The following CCDC138 variants were observed in gnomAD, a reference collection of about 807,000 sequenced individuals.
CCDC138 encodes coiled-coil domain containing 138, also known as coiled-coil domain-containing protein 138.
A neutral mutation model predicts 82.3 loss-of-function variants in CCDC138; 66 were observed. That is an observed-to-expected ratio of 0.80 (90% CI 0.66 to 0.98). CCDC138 has a LOEUF of 0.98. Ranked by LOEUF, CCDC138 falls within the 50% of genes least tolerant of loss-of-function variation. The pLI is 0.00. For missense variants in CCDC138, 816 were observed against 758.9 expected (o/e 1.08, Z -0.88); for synonymous variants, 297 against 265.4 (o/e 1.12, Z -1.16).
chr2:108,791,121 T>C (rs1321343070), intron 3 of CCDC138, among the ~76,000 whole-genome samples: 1 of 152,036 alleles, frequency 6.6e-6, no homozygotes, highest in Admixed American at 6.5e-5. Flanking sequence ...AGATATATTA[T>C]ATTAACTAAT....
chr2:108,873,509 T>C lies in CCDC138; in HGVS notation c.1752T>C (p.Ser584=), dbSNP rs1249616094. The change falls in exon 14 of 15, where the codon TCT becomes TCC. Residue 584 remains serine (S), a synonymous_variant. Transcript: ENST00000295124. ...ACTCTTTATTTTTTCGTACTTGCTC[T>C]GTGCTGCTTCGAGCCCCTAAGCTTG... The part of the protein sequence containing the change: ...CSNSLFFRTC[S]VLLRAPKLDL... The C allele has an allele frequency of 6.2e-7, 1 of 1,611,616 alleles. No individual in the cohort carries two copies. The highest frequency in any genetic ancestry group is 1.3e-5 in the African/African-American group (1 of 74,990).
At chr2:108,812,967 C>T (rs777353480) in intron 9 of CCDC138, 40 bp downstream of exon 9, 35 of 1,573,006 alleles carry the variant, frequency 2.2e-5, no homozygotes, top group South Asian at 9.0e-5. Flanking sequence ...GAAAATTTCT[C>T]GGCTGGGTAC....
chr2:108,813,313 G>A (rs1037671941), intron 9 of CCDC138, among the ~76,000 whole-genome samples: 7 of 147,928 alleles, frequency 4.7e-5, no homozygotes, highest in African/African-American at 7.4e-5. Flanking sequence ...TTTCTCTTGT[G>A]CTTTAATCTT....
At chr2:108,830,857 G>A (rs1374706260) in intron 10 of CCDC138, among the ~76,000 whole-genome samples, 1 of 151,218 alleles carries the variant, frequency 6.6e-6, no homozygotes, top group Non-Finnish European at 1.5e-5. Context: ...AAGCCAGAAA[G>A]TGTTCTTCAT....
At chr2:108,791,118 T>C (rs968423475) in intron 3 of CCDC138, among the ~76,000 whole-genome samples, 2 of 151,252 alleles carry the variant, frequency 1.3e-5, no homozygotes, top group African/African-American at 4.9e-5. Context: ...TTTAGATATA[T>C]TATATTAACT....
chr2:108,855,375 C>T lies in CCDC138; in HGVS notation c.1517-1419C>T, dbSNP rs186698809. Among the ~76,000 whole-genome samples the T allele has an allele frequency of 1.9e-3, 287 of 151,892 alleles. 7 individuals carry two copies. Among genetic ancestry groups the T allele is most frequent in the Admixed American group, 0.017 (255 of 15,250 alleles). On this transcript the variant is annotated intron_variant, in intron 12 of 14. Coordinates refer to ENST00000295124, the MANE Select transcript of CCDC138 (RefSeq NM_144978.3). ...CTGTTTAATCTTGTCAAATTATATA[C>T]TAAGAATAATGTGTGTCAAATACAG...
chr2:108,859,408 T>A (rs531903594), intron 13 of CCDC138, among the ~76,000 whole-genome samples: 74 of 152,322 alleles, frequency 4.9e-4, no homozygotes, highest in Non-Finnish European at 8.5e-4. Flanking sequence ...TTTAAGTAGG[T>A]CCCAGTTGTC....
chr2:108,820,884 A>T (rs1339967123), intron 10 of CCDC138, among the ~76,000 whole-genome samples: 1 of 152,232 alleles, frequency 6.6e-6, no homozygotes, highest in Non-Finnish European at 1.5e-5. Flanking sequence ...CAGCAACATG[A>T]AGCCATATAA....
intron 10 of CCDC138, among the ~76,000 whole-genome samples, chr2:108,830,572 C>T (rs1054851325): frequency 2.7e-5 from 4 of 150,820 alleles, no homozygotes; most frequent in South Asian, 2.1e-4. Context: ...TTTGGGAGGC[C>T]GAGGCGGGCA....
intron 6 of CCDC138, among the ~76,000 whole-genome samples, chr2:108,800,384 T>G (rs7561751): frequency 6.6e-6 from 1 of 152,060 alleles, no homozygotes; most frequent in Non-Finnish European, 1.5e-5. Flanking sequence ...CCTGCCTTAA[T>G]CTCCTGAGTA....
intron 1 of CCDC138, among the ~76,000 whole-genome samples, chr2:108,787,200 T>TCTC (rs766694919): frequency 6.2e-4 from 94 of 152,300 alleles, no homozygotes; most frequent in Non-Finnish European, 8.8e-4. Flanking sequence ...GTGATGTGAG[T>TCTC]GGAGTTGTGA....
At chr2:108,855,194 C>T (rs1232191036) in intron 12 of CCDC138, among the ~76,000 whole-genome samples, 1 of 151,994 alleles carries the variant, frequency 6.6e-6, no homozygotes, top group Non-Finnish European at 1.5e-5. Context: ...AAAATGAGGA[C>T]ATAATTTTGA....
At chr2:108,827,041 T>C (rs2150156433) in intron 10 of CCDC138, among the ~76,000 whole-genome samples, 1 of 152,342 alleles carries the variant, frequency 6.6e-6, no homozygotes, top group East Asian at 1.9e-4. Context: ...ATTTTTGGAT[T>C]GTACATTACT....
intron 1 of CCDC138, among the ~76,000 whole-genome samples, chr2:108,787,222 T>G (rs1436796457): frequency 2.0e-5 from 3 of 152,250 alleles, no homozygotes; most frequent in African/African-American, 7.2e-5. Flanking sequence ...AACAATTGAA[T>G]TGCTTTTTAA....
At chr2:108,798,815 C>CACA (rs746723907) in intron 6 of CCDC138, among the ~76,000 whole-genome samples, 1 of 32,248 alleles carries the variant, frequency 3.1e-5, no homozygotes, top group East Asian at 2.2e-3. Context: ...CTCTCCACAC[C>CACA]TACACACACA....
intron 11 of CCDC138, among the ~76,000 whole-genome samples, chr2:108,843,211 G>A (rs977015555): frequency 6.6e-6 from 1 of 152,108 alleles, no homozygotes; most frequent in African/African-American, 2.4e-5. Flanking sequence ...AGGCTAGAGT[G>A]CAGTGGCATG....
chr2:108,833,884 C>T (rs1350210597), intron 10 of CCDC138, among the ~76,000 whole-genome samples: 5 of 142,880 alleles, frequency 3.5e-5, no homozygotes, highest in East Asian at 2.1e-4. Context: ...CCCGCTACCA[C>T]GCCCGGCTAA....
intron 7 of CCDC138, among the ~76,000 whole-genome samples, chr2:108,811,174 C>G (rs1188271179): frequency 1.3e-5 from 2 of 149,100 alleles, no homozygotes; most frequent in African/African-American, 5.0e-5. Context: ...CTAACCCTGC[C>G]TTCCTTTTCT....
intron 7 of CCDC138, among the ~76,000 whole-genome samples, chr2:108,812,237 C>G (rs1201897933): frequency 1.2e-4 from 19 of 152,082 alleles, no homozygotes; most frequent in Admixed American, 1.2e-3. Flanking sequence ...AGTATATACA[C>G]AGACACATAT....
Sources: gnomAD v4.1 joint callset for allele counts (sites outside exome capture counted in the v4.1 genomes callset) on GRCh38, gnomAD v4.1.1 for gene constraint, MANE v1.5 for transcripts, NCBI Gene and HGNC (gene_info 2026-07-23, HGNC 2026-07-21) for gene names.